RFC3: variants seen among roughly 807,000 people sequenced by gnomAD.
The protein encoded by RFC3 is A1 38 kDa subunit.
RFC3 carries 41 observed loss-of-function variants against 45.1 expected under a neutral mutation model. The observed-to-expected ratio is 0.91, with a 90% confidence interval of 0.71 to 1.18. The LOEUF (loss-of-function observed/expected upper bound fraction) is 1.18. RFC3 is among the 50% of genes most tolerant of loss of function. The probability of loss-of-function intolerance (pLI) is 0.00; values close to 1 mark genes in which losing one functional copy is unlikely to be tolerated. For missense variants in RFC3, 423 were observed against 428.1 expected (o/e 0.99, Z 0.10); for synonymous variants, 149 against 144.0 (o/e 1.03, Z -0.25).
intron 8 of RFC3, among the ~76,000 whole-genome samples, chr13:33,933,759 A>G (rs1443126199): frequency 2.0e-5 from 3 of 152,158 alleles, no homozygotes; most frequent in Non-Finnish European, 4.4e-5. Context: ...AAGGAAAATA[A>G]TTTGTTTGCA....
chr13:33,910,049 G>A (rs543216519), intron 8 of RFC3, among the ~76,000 whole-genome samples: 105 of 151,988 alleles, frequency 6.9e-4, no homozygotes, highest in African/African-American at 2.5e-3. Flanking sequence ...TCAATGTTTG[G>A]CATTAATTAA....
At chr13:33,937,865 T>TA (rs2137792585) in intron 8 of RFC3, among the ~76,000 whole-genome samples, 1 of 152,228 alleles carries the variant, frequency 6.6e-6, no homozygotes, top group African/African-American at 2.4e-5. Flanking sequence ...CACTAGCCAT[T>TA]AACATTTGTG....
chr13:33,968,391 G>A (rs1444905006), downstream of RFC3, among the ~76,000 whole-genome samples: 1 of 152,220 alleles, frequency 6.6e-6, no homozygotes, highest in Non-Finnish European at 1.5e-5. Context: ...GCCTCCTGCA[G>A]TGCTGGGATT....
chr13:33,921,721 A>G (rs2082770013), intron 8 of RFC3, among the ~76,000 whole-genome samples: 1 of 151,998 alleles, frequency 6.6e-6, no homozygotes, highest in Non-Finnish European at 1.5e-5. Context: ...GGAGGGAACA[A>G]AGACACCCTC....
At chr13:33,948,246 A>G (rs1203204108) in intron 8 of RFC3, among the ~76,000 whole-genome samples, 2 of 152,224 alleles carry the variant, frequency 1.3e-5, no homozygotes, top group African/African-American at 2.4e-5. Flanking sequence ...GCCAAGGTAC[A>G]GCTCAGGCCA....
At chr13:33,871,634 C>T (rs1031893983) in intron 8 of RFC3, among the ~76,000 whole-genome samples, 1 of 152,216 alleles carries the variant, frequency 6.6e-6, no homozygotes, top group East Asian at 1.9e-4. Flanking sequence ...ACGTGGACAT[C>T]TCTGTAGGCC....
intron 8 of RFC3, among the ~76,000 whole-genome samples, chr13:33,938,826 A>G (rs529876318): frequency 6.6e-6 from 1 of 152,282 alleles, no homozygotes; most frequent in East Asian, 1.9e-4. Flanking sequence ...CAACTCTGGT[A>G]GCTACAACAA....
chr13:33,861,837 T>G (rs2082343035), intron 8 of RFC3, among the ~76,000 whole-genome samples: 1 of 152,140 alleles, frequency 6.6e-6, no homozygotes, highest in South Asian at 2.1e-4. Flanking sequence ...CTGCAACCAA[T>G]TACAGGTATT....
At chr13:33,916,491 G>A (rs1429404578) in intron 8 of RFC3, among the ~76,000 whole-genome samples, 1 of 152,136 alleles carries the variant, frequency 6.6e-6, no homozygotes, top group East Asian at 1.9e-4. Flanking sequence ...CACCTGGGTA[G>A]AAAGCATTCT....
At chr13:33,841,468 T>C (rs2082198085), downstream of RFC3, among the ~76,000 whole-genome samples, 1 of 152,216 alleles carries the variant, frequency 6.6e-6, no homozygotes, top group Non-Finnish European at 1.5e-5. Context: ...GACAGTGTAT[T>C]CATTTTGAAG....
chr13:33,948,156 C>T (rs768289732), intron 8 of RFC3, among the ~76,000 whole-genome samples: 3 of 152,172 alleles, frequency 2.0e-5, no homozygotes, highest in Admixed American at 6.5e-5. Flanking sequence ...GGGCTGAGCC[C>T]AGGGACCCCC....
At chr13:33,973,163 T>C in the RFC3 span, among the ~76,000 whole-genome samples, 3 of 151,286 alleles carry the variant, frequency 2.0e-5, no homozygotes, top group Non-Finnish European at 3.0e-5. Context: ...TGTATATATA[T>C]ATATACATAA....
chr13:33,885,497 C>T (rs1020253423), intron 8 of RFC3, among the ~76,000 whole-genome samples: 3 of 152,178 alleles, frequency 2.0e-5, no homozygotes, highest in African/African-American at 7.2e-5. Context: ...CCTCCCCTCC[C>T]AGCCATCTAG....
At chr13:33,975,603 A>G in the RFC3 span, among the ~76,000 whole-genome samples, 1 of 152,210 alleles carries the variant, frequency 6.6e-6, no homozygotes, top group Non-Finnish European at 1.5e-5. Context: ...TTATCCCACC[A>G]TATTACAAAT....
At position 33,925,860 on chromosome 13, in the gene RFC3, G is replaced by A. The variant is rs527732880; in HGVS notation, c.880-40227G>A. ...CTGAAGTGACATGAGACTGCAGAGT[G>A]TCTGACATTGTTGTATCAATATCAA... On this transcript the variant is annotated intron_variant, in intron 8 of 8. Coordinates refer to the RFC3 transcript ENST00000434425. Among the ~76,000 whole-genome samples, 7 of 152,062 alleles carry A rather than the reference G, an allele frequency of 4.6e-5. No individual in the cohort carries two copies. In the South Asian group the frequency reaches 1.5e-3, roughly 32 times the overall value.
intron 8 of RFC3, among the ~76,000 whole-genome samples, chr13:33,877,666 T>G (rs180694320): frequency 1.6e-3 from 240 of 150,354 alleles, no homozygotes; most frequent in Non-Finnish European, 2.7e-3. Flanking sequence ...AAACATTGTA[T>G]TATGATGGAT....
At chr13:33,938,661 A>T (rs2082903877) in intron 8 of RFC3, among the ~76,000 whole-genome samples, 1 of 152,170 alleles carries the variant, frequency 6.6e-6, no homozygotes, top group African/African-American at 2.4e-5. Flanking sequence ...CATTGTATGA[A>T]TATATCACAA....
intron 8 of RFC3, among the ~76,000 whole-genome samples, chr13:33,898,185 A>G (rs1347206572): frequency 3.9e-5 from 6 of 152,022 alleles, no homozygotes. Flanking sequence ...AAAACGTTTC[A>G]CCCAACGGCT....
chr13:33,900,029 A>G (rs2082629631), intron 8 of RFC3, among the ~76,000 whole-genome samples: 1 of 152,032 alleles, frequency 6.6e-6, no homozygotes, highest in Non-Finnish European at 1.5e-5. Flanking sequence ...GAAATGGAAG[A>G]GAACACAAAA....
Sources: allele counts gnomAD v4.1 joint callset (sites outside exome capture counted in the v4.1 genomes callset), GRCh38; gene constraint gnomAD v4.1.1; transcripts MANE v1.5; gene names NCBI Gene and HGNC (gene_info 2026-07-23, HGNC 2026-07-21).